NMNAT3: variants seen among roughly 807,000 people sequenced by gnomAD.
NMNAT3 encodes nicotinamide nucleotide adenylyltransferase 3, also known as nicotinamide/nicotinic acid mononucleotide adenylyltransferase 3.
In NMNAT3, 21 loss-of-function variants were observed where a neutral mutation model predicts 24.8. That is an observed-to-expected ratio of 0.85 (90% CI 0.60 to 1.22). The LOEUF (loss-of-function observed/expected upper bound fraction) is 1.22. Ranked by LOEUF, NMNAT3 falls within the 50% of genes most tolerant of loss-of-function variation. The probability of loss-of-function intolerance (pLI) is 0.00; values close to 1 mark genes in which losing one functional copy is unlikely to be tolerated. For missense variants in NMNAT3, 387 were observed against 436.6 expected (o/e 0.89, Z 1.01); for synonymous variants, 136 against 155.2 (o/e 0.88, Z 0.92).
At chr3:139,620,349 C>T (rs541507756) in intron 3 of NMNAT3, among the ~76,000 whole-genome samples, 2 of 152,074 alleles carry the variant, frequency 1.3e-5, no homozygotes, top group South Asian at 2.1e-4. Flanking sequence ...ATGAACATAA[C>T]CATTATCCTC....
intron 3 of NMNAT3, among the ~76,000 whole-genome samples, chr3:139,585,860 G>A (rs772265172): frequency 5.9e-5 from 9 of 152,196 alleles, no homozygotes; most frequent in South Asian, 4.1e-4. Flanking sequence ...ACCTTACCCC[G>A]GAGGGTATAG....
At chr3:139,616,523 A>T (rs536204486) in intron 3 of NMNAT3, among the ~76,000 whole-genome samples, 7 of 152,080 alleles carry the variant, frequency 4.6e-5, no homozygotes, top group Non-Finnish European at 7.4e-5. Flanking sequence ...TTGTATTCTG[A>T]TAGGTCTCTC....
intron 5 of NMNAT3, among the ~76,000 whole-genome samples, 157 bp downstream of exon 5, chr3:139,578,715 G>T (rs978728097): frequency 4.1e-5 from 6 of 148,006 alleles, no homozygotes; most frequent in African/African-American, 7.3e-5. Flanking sequence ...TGAATCTGTT[G>T]ATCTCTCTCC....
intron 4 of NMNAT3, among the ~76,000 whole-genome samples, chr3:139,581,953 G>T (rs1397025912): frequency 6.6e-6 from 1 of 151,998 alleles, no homozygotes; most frequent in African/African-American, 2.4e-5. Flanking sequence ...CCAGCACTTT[G>T]GGAGGCCGGG....
chr3:139,619,484 C>A (rs1576662898), intron 3 of NMNAT3, among the ~76,000 whole-genome samples: 1 of 152,218 alleles, frequency 6.6e-6, no homozygotes, highest in South Asian at 2.1e-4. Flanking sequence ...GTTATCATGG[C>A]CTTTGGGGAC....
chr3:139,674,844 C>A (rs1195854442), intron 1 of NMNAT3, among the ~76,000 whole-genome samples: 1 of 151,972 alleles, frequency 6.6e-6, no homozygotes, highest in African/African-American at 2.4e-5. Context: ...CATTATTGAC[C>A]GGGCACTTAC....
At chr3:139,618,778 C>T (rs1484177157) in intron 3 of NMNAT3, among the ~76,000 whole-genome samples, 4 of 152,156 alleles carry the variant, frequency 2.6e-5, no homozygotes, top group East Asian at 1.9e-4. Flanking sequence ...GAAGATGGTT[C>T]GGGTTATGGC....
intron 2 of NMNAT3, among the ~76,000 whole-genome samples, chr3:139,633,126 A>G (rs2056364532): frequency 6.6e-6 from 1 of 151,984 alleles, no homozygotes; most frequent in African/African-American, 2.4e-5. Flanking sequence ...GGACCCCTTC[A>G]TTTTAAACTT....
At chr3:139,658,632 T>C (rs990233738) in intron 1 of NMNAT3, among the ~76,000 whole-genome samples, 2 of 152,248 alleles carry the variant, frequency 1.3e-5, no homozygotes, top group East Asian at 3.8e-4. Context: ...TTTTATCATA[T>C]ACCTACTCCT....
intron 1 of NMNAT3, among the ~76,000 whole-genome samples, chr3:139,661,113 T>G (rs1168202783): frequency 2.0e-5 from 3 of 152,118 alleles, no homozygotes; most frequent in Non-Finnish European, 4.4e-5. Flanking sequence ...AATGATCAGG[T>G]ATCATAAAAG....
At chr3:139,606,753 A>G (rs138055908) in intron 3 of NMNAT3, among the ~76,000 whole-genome samples, 116 of 152,270 alleles carry the variant, frequency 7.6e-4, no homozygotes, top group African/African-American at 2.7e-3. Flanking sequence ...TTTCTCCTGC[A>G]TTTCTGTATT....
intron 3 of NMNAT3, among the ~76,000 whole-genome samples, chr3:139,592,883 C>T (rs1159238198): frequency 6.6e-6 from 1 of 152,162 alleles, no homozygotes; most frequent in African/African-American, 2.4e-5. Context: ...ATATAAAGAC[C>T]ATTGAGACTA....
Position 139,658,837 on chromosome 3 carries a change from A to G in NMNAT3, c.-141+18868T>C, listed in dbSNP as rs550709537. Reference sequence around the variant, plus strand: ...TGAGGGCATCATGTAATAAATTTTAACAAATCATGCACCGTGTAACTCCAA... The same window carrying G: ...TGAGGGCATCATGTAATAAATTTTAGCAAATCATGCACCGTGTAACTCCAA... On this transcript the variant is annotated intron_variant, in intron 1 of 6. Coordinates refer to ENST00000643695, the MANE Select transcript of NMNAT3 (RefSeq NM_001320510.2). Among the ~76,000 whole-genome samples, 19 of 152,318 alleles carry G rather than the reference A, an allele frequency of 1.2e-4. No homozygotes were observed. The South Asian group carries it at 3.9e-3, about 32-fold the overall frequency.
intron 3 of NMNAT3, among the ~76,000 whole-genome samples, chr3:139,590,992 C>T (rs566204775): frequency 4.0e-5 from 6 of 151,622 alleles, no homozygotes; most frequent in Non-Finnish European, 7.4e-5. Flanking sequence ...GGAACAGCTC[C>T]GGTCTACAGC....
intron 1 of NMNAT3, among the ~76,000 whole-genome samples, chr3:139,676,433 A>T (rs964816915): frequency 1.3e-5 from 2 of 152,208 alleles, no homozygotes; most frequent in African/African-American, 4.8e-5. Context: ...TTAAGAGGTG[A>T]CACCAAAAGC....
At chr3:139,609,194 C>T (rs979879847) in intron 3 of NMNAT3, among the ~76,000 whole-genome samples, 9 of 152,138 alleles carry the variant, frequency 5.9e-5, no homozygotes, top group African/African-American at 7.2e-5. Flanking sequence ...CTGTGATGAA[C>T]GTTTGTGTAC....
Position 139,662,672 on chromosome 3 carries a change from C to T in NMNAT3, c.-141+15033G>A, listed in dbSNP as rs1002059739. Among the ~76,000 whole-genome samples the T allele has an allele frequency of 3.9e-5, 6 of 152,254 alleles. No homozygotes were observed. In the East Asian group the frequency reaches 5.8e-4, roughly 15 times the overall value. The stretch of plus-strand genomic sequence containing the variant: ...CTGAAGAATTGGAGGAGGAAGGCCT[C>T]GCTGACTCTAGGAGCAGAGAGGTTC... On this transcript the variant is annotated intron_variant, in intron 1 of 6. Transcript: ENST00000643695.
At chr3:139,572,383 AT>A (rs1380841077) in intron 6 of NMNAT3, 7 of 392,744 alleles carry the variant, frequency 1.8e-5, no homozygotes, top group Non-Finnish European at 3.1e-5. Context: ...TAAACATTAT[AT>A]AAGATGATTA....
intron 3 of NMNAT3, among the ~76,000 whole-genome samples, chr3:139,625,491 T>G (rs1269012908): frequency 6.6e-6 from 1 of 152,238 alleles, no homozygotes; most frequent in Non-Finnish European, 1.5e-5. Context: ...CTGCTTCATT[T>G]TAGCAGTTGC....
Sources: allele counts gnomAD v4.1 joint callset (sites outside exome capture counted in the v4.1 genomes callset), GRCh38; gene constraint gnomAD v4.1.1; transcripts MANE v1.5; gene names NCBI Gene and HGNC (gene_info 2026-07-23, HGNC 2026-07-21).